CNTN4: variants seen among roughly 807,000 people sequenced by gnomAD.
CNTN4 encodes the protein contactin 4.
In CNTN4, 77 loss-of-function variants were observed where a neutral mutation model predicts 122.5. The observed-to-expected ratio is 0.63, with a 90% CI of 0.52 to 0.76. The LOEUF is 0.76. CNTN4 is among the 30% of genes least tolerant of loss of function. The pLI is 0.00. For synonymous variants in CNTN4, 512 were observed against 447.0 expected, an observed-to-expected ratio of 1.15 and a Z score of -1.83; for missense variants, 1,256 against 1,259.1, an observed-to-expected ratio of 1.00 and a Z score of 0.04.
chr3:2,559,810 G>T (rs1212820263), intron 3 of CNTN4, among the ~76,000 whole-genome samples: 2 of 152,166 alleles, frequency 1.3e-5, no homozygotes, highest in Admixed American at 1.3e-4. Flanking sequence ...TGATACTGAG[G>T]TGTACTTCTG....
chr3:2,402,083 G>A (rs2046879276), intron 3 of CNTN4, among the ~76,000 whole-genome samples: 1 of 152,100 alleles, frequency 6.6e-6, no homozygotes, highest in African/African-American at 2.4e-5. Context: ...GATCAAACGG[G>A]TTGGTTTGAC....
chr3:2,309,068 A>T (rs1575335728), intron 2 of CNTN4, among the ~76,000 whole-genome samples: 1 of 152,076 alleles, frequency 6.6e-6, no homozygotes, highest in East Asian at 1.9e-4. Context: ...GAAGCTTTTC[A>T]ACTATTATTG....
chr3:3,047,364 C>G (rs1276134339), intron 23 of CNTN4, among the ~76,000 whole-genome samples: 3 of 152,156 alleles, frequency 2.0e-5, no homozygotes, highest in African/African-American at 7.2e-5. Flanking sequence ...CATAATTGAC[C>G]TCATAGGTGG....
At chr3:2,814,686 C>T (rs947098799) in intron 6 of CNTN4, among the ~76,000 whole-genome samples, 6 of 152,148 alleles carry the variant, frequency 3.9e-5, no homozygotes, top group Non-Finnish European at 8.8e-5. Context: ...ACTGACTTTA[C>T]GAAATCAGTG....
intron 2 of CNTN4, among the ~76,000 whole-genome samples, chr3:2,279,845 G>A (rs928431379): frequency 6.6e-6 from 1 of 151,032 alleles, no homozygotes; most frequent in African/African-American, 2.4e-5. Flanking sequence ...ACAGAATTAG[G>A]AGATATCTGT....
chr3:2,665,509 G>A (rs1265638773), intron 4 of CNTN4, among the ~76,000 whole-genome samples: 2 of 152,184 alleles, frequency 1.3e-5, no homozygotes, highest in Non-Finnish European at 2.9e-5. Context: ...TTGACATAGA[G>A]AAATTGAGAT....
In CNTN4 at chr3:2,520,259, C is replaced by CTTTTTTTTTTTTTTTT. The variant is rs397988483; in HGVS notation, c.-88-51141_-88-51126dup. Among the ~76,000 whole-genome samples the CTTTTTTTTTTTTTTTT allele has an allele frequency of 2.1e-4, 16 of 74,466 alleles. 3 individuals are homozygous for CTTTTTTTTTTTTTTTT. Among genetic ancestry groups the CTTTTTTTTTTTTTTTT allele is most frequent in the African/African-American group, 1.1e-3 (15 of 13,850 alleles). 48.9% of individuals were successfully genotyped at this position (74,466 alleles called of 152,430 possible). On this transcript the variant is annotated intron_variant, in intron 3 of 24. Transcript: ENST00000418658. ...AAAAAGATAGGTTGGTGATTGCTTC[C>CTTTTTTTTTTTTTTTT]TTTTTTTTTTTTTTTTTTTTTTTTT...
intron 3 of CNTN4, among the ~76,000 whole-genome samples, chr3:2,391,717 A>C (rs114553017): frequency 6.6e-6 from 1 of 152,218 alleles, no homozygotes; most frequent in Non-Finnish European, 1.5e-5. Flanking sequence ...TTGGAAATTT[A>C]CATGACGCAG....
intron 14 of CNTN4, among the ~76,000 whole-genome samples, chr3:3,012,403 T>A (rs1697320404): frequency 6.6e-6 from 1 of 152,062 alleles, no homozygotes; most frequent in Admixed American, 6.5e-5. Context: ...TGAGCACTTT[T>A]TATGTAGCAA....
intron 2 of CNTN4, among the ~76,000 whole-genome samples, chr3:2,285,737 T>C (rs1178806094): frequency 1.3e-5 from 2 of 152,168 alleles, no homozygotes; most frequent in African/African-American, 4.8e-5. Context: ...TGGTATTATT[T>C]ACTGAGATTT....
intron 15 of CNTN4, 135 bp downstream of exon 15, chr3:3,026,412 T>G (rs909831286): frequency 2.6e-6 from 2 of 769,130 alleles, no homozygotes; most frequent in Non-Finnish European, 4.4e-6. Context: ...CTGCTCCTTT[T>G]TGCACAATAA....
intron 12 of CNTN4, among the ~76,000 whole-genome samples, chr3:2,911,940 A>G (rs1304499626): frequency 6.6e-6 from 1 of 152,190 alleles, no homozygotes; most frequent in Non-Finnish European, 1.5e-5. Context: ...TGAAGGGTCT[A>G]TGGGACATCA....
chr3:3,036,709 G>A (rs1211559121), intron 17 of CNTN4, among the ~76,000 whole-genome samples: 1 of 151,642 alleles, frequency 6.6e-6, no homozygotes, highest in African/African-American at 2.4e-5. Context: ...GGAGGTTGCA[G>A]TGAGCCGAGA....
At chr3:2,515,977 G>T (rs1005308899) in intron 3 of CNTN4, among the ~76,000 whole-genome samples, 1 of 151,928 alleles carries the variant, frequency 6.6e-6, no homozygotes, top group African/African-American at 2.4e-5. Context: ...ATGATAAGTG[G>T]CCATTTGATG....
intron 13 of CNTN4, among the ~76,000 whole-genome samples, chr3:2,962,661 A>G (rs1448603602): frequency 1.3e-5 from 2 of 152,026 alleles, no homozygotes; most frequent in Non-Finnish European, 2.9e-5. Flanking sequence ...GGAGTTATGT[A>G]TGACTATTGT....
chr3:2,999,858 AG>A (rs1419286197), intron 14 of CNTN4, among the ~76,000 whole-genome samples: 3 of 152,216 alleles, frequency 2.0e-5, no homozygotes, highest in African/African-American at 7.2e-5. Flanking sequence ...TGAAATCCCT[AG>A]CCATTCTCTG....
rs140504589 is a variant in CNTN4 at position 2,199,095 on chromosome 3, C to G, written c.-145+98456C>G. On this transcript the variant is annotated intron_variant, in intron 2 of 24. Coordinates refer to ENST00000418658, the MANE Select transcript of CNTN4 (RefSeq NM_175607.3). ...AAGCAGTATAATTAGCTCATTGTCT[C>G]TAGCTGGGAGGAATTCCCCCTCACT... 2.6e-5 allele frequency among the ~76,000 whole-genome samples: 4 copies of G among 152,328 alleles called. No homozygotes were observed. In the East Asian group the frequency reaches 7.7e-4, roughly 29 times the overall value.
intron 2 of CNTN4, among the ~76,000 whole-genome samples, chr3:2,315,424 C>G (rs1164893722): frequency 6.6e-6 from 1 of 151,890 alleles, no homozygotes; most frequent in East Asian, 1.9e-4. Context: ...AAGAGAGGCA[C>G]TTGGTAGGCG....
intron 2 of CNTN4, among the ~76,000 whole-genome samples, chr3:2,259,473 G>C (rs1009616558): frequency 6.6e-6 from 1 of 152,184 alleles, no homozygotes; most frequent in African/African-American, 2.4e-5. Context: ...TCACGCTGCT[G>C]ATAAAGACAT....
Sources: allele counts gnomAD v4.1 joint callset (sites outside exome capture counted in the v4.1 genomes callset), GRCh38; gene constraint gnomAD v4.1.1; transcripts MANE v1.5; gene names NCBI Gene and HGNC (gene_info 2026-07-23, HGNC 2026-07-21).